Variants in DYNC2I2 observed in about 807,000 individuals in gnomAD.
The protein encoded by DYNC2I2 is dynein 2 intermediate chain 2.
A neutral mutation model predicts 52.0 loss-of-function variants in DYNC2I2; 39 were observed. That is an observed-to-expected ratio of 0.75 (90% CI 0.58 to 0.98). The LOEUF (loss-of-function observed/expected upper bound fraction) is 0.98, where lower values mean the gene tolerates loss of function less well. DYNC2I2 is among the 50% of genes least tolerant of loss of function. The pLI, the probability that DYNC2I2 is intolerant of heterozygous loss-of-function variation, is 0.00. For missense variants in DYNC2I2, 743 were observed against 728.4 expected, an observed-to-expected ratio of 1.02 and a Z score of -0.23; for synonymous variants, 359 against 321.1, an observed-to-expected ratio of 1.12 and a Z score of -1.26.
chr9:128,643,451 T>TG (rs888759870), intron 1 of DYNC2I2, among the ~76,000 whole-genome samples: 6 of 147,056 alleles, frequency 4.1e-5, no homozygotes, highest in South Asian at 2.2e-4. Context: ...CGCTTGAACT[T>TG]GGGGGGCGGA....
Position 128,633,890 on chromosome 9 carries a change from CCAGA to C in DYNC2I2, c.1461_1464del (p.Cys487TrpfsTer20). 2 of 1,613,430 alleles carry C rather than the reference CCAGA, an allele frequency of 1.2e-6. No individual in the cohort carries two copies. The highest frequency in any genetic ancestry group is 1.7e-6 in the Non-Finnish European group (2 of 1,180,050). On this transcript the variant is annotated frameshift_variant, in exon 9 of 9. Coordinates refer to ENST00000372715, the MANE Select transcript of DYNC2I2 (RefSeq NM_052844.4). LOFTEE classifies it high-confidence loss of function. ...AGCTGAGTCTGCTGGCTGTTGAACT[CCAGA>C]CAGTAGACAGGGCTTTCATCCTGGG...
At chr9:128,680,242 ATAGAGAC>A in the DYNC2I2 span, among the ~76,000 whole-genome samples, 1 of 151,570 alleles carries the variant, frequency 6.6e-6, no homozygotes, top group African/African-American at 2.4e-5. Context: ...TGTATTTTTA[ATAGAGAC>A]GGGGTTTTGC....
chr9:128,635,383 G>T, intron 5 of DYNC2I2, 124 bp from the exon 6 acceptor site: 2 of 1,266,210 alleles, frequency 1.6e-6, no homozygotes, highest in Non-Finnish European at 2.1e-6. Flanking sequence ...CCAGAACCAG[G>T]CTCACCCACC....
chr9:128,657,669 A>G (rs1860858675), upstream of DYNC2I2, among the ~76,000 whole-genome samples: 2 of 152,074 alleles, frequency 1.3e-5, no homozygotes, highest in South Asian at 4.1e-4. Context: ...TTAGCTGGGC[A>G]TGGTGGCACG....
upstream of DYNC2I2, among the ~76,000 whole-genome samples, chr9:128,661,117 G>A (rs145064337): frequency 0.044 from 6,631 of 151,292 alleles, 235 homozygotes; most frequent in East Asian, 0.13. Context: ...CAAGGCAGGT[G>A]GATCACCTGA....
rs550648321 is a variant in DYNC2I2 at position 128,635,636 on chromosome 9, G to T, written c.813+22C>A. The T allele has an allele frequency of 2.2e-5, 35 of 1,577,704 alleles. No individual in the cohort carries two copies. The East Asian group carries it at 7.7e-4, about 35-fold the overall frequency. On this transcript the variant is annotated intron_variant, in intron 5 of 8. Coordinates refer to ENST00000372715, the MANE Select transcript of DYNC2I2 (RefSeq NM_052844.4). ...CCAGCTCTGCCTCAGGGCCCACCCC[G>T]CCCGGCAGCCCCTGCCCTGACCTGG...
intron 8 of DYNC2I2, 64 bp from the exon 9 acceptor site, chr9:128,634,046 A>C (rs971342715): frequency 8.2e-6 from 13 of 1,584,108 alleles, no homozygotes; most frequent in African/African-American, 6.7e-5. Flanking sequence ...TGGCAGGAGG[A>C]GGCTAATGCC....
intron 1 of DYNC2I2, among the ~76,000 whole-genome samples, chr9:128,653,391 A>C (rs1316644761): frequency 1.3e-5 from 2 of 150,784 alleles, no homozygotes. Flanking sequence ...CAACCTGGCC[A>C]ATATGGCGAA....
the DYNC2I2 span, among the ~76,000 whole-genome samples, chr9:128,674,740 C>T: frequency 6.6e-6 from 1 of 152,020 alleles, no homozygotes; most frequent in African/African-American, 2.4e-5. Context: ...GAGACTCCGT[C>T]TCAAAAAAAA....
the DYNC2I2 span, among the ~76,000 whole-genome samples, chr9:128,669,395 T>TAA: frequency 6.6e-6 from 1 of 151,910 alleles, no homozygotes; most frequent in African/African-American, 2.4e-5. Flanking sequence ...AAAAAATTTT[T>TAA]AAAATTAAAA....
At chr9:128,643,476 G>A (rs998329773) in intron 1 of DYNC2I2, among the ~76,000 whole-genome samples, 3 of 150,900 alleles carry the variant, frequency 2.0e-5, no homozygotes, top group Middle Eastern at 3.2e-3. Flanking sequence ...GCAGTGAGCC[G>A]AGATCGTGCC....
intron 5 of DYNC2I2, 169 bp from the exon 6 acceptor site, chr9:128,635,428 C>A (rs1860379382): frequency 1.1e-6 from 1 of 888,136 alleles, no homozygotes; most frequent in Non-Finnish European, 1.7e-6. Flanking sequence ...AGGGCCCTCT[C>A]CAGTCCCAGA....
chr9:128,672,516 G>C, the DYNC2I2 span, among the ~76,000 whole-genome samples: 1 of 148,964 alleles, frequency 6.7e-6, no homozygotes, highest in Admixed American at 6.7e-5. Context: ...AAAAAAAAAA[G>C]TTTAATCTCA....
chr9:128,648,041 G>A (rs10988068), intron 1 of DYNC2I2, among the ~76,000 whole-genome samples: 1,720 of 152,148 alleles, frequency 0.011, 8 homozygotes, highest in Non-Finnish European at 0.015. Context: ...TGCCCCACAG[G>A]ACCCCTTTCT....
chr9:128,683,979 G>C, the DYNC2I2 span: 2 of 1,555,550 alleles, frequency 1.3e-6, no homozygotes, highest in South Asian at 2.4e-5. Context: ...AGGAGACATC[G>C]GCCTCTGCAG....
chr9:128,656,689 G>C lies in DYNC2I2; in HGVS notation c.38C>G (p.Ala13Gly), dbSNP rs747529704. 8.7e-6 allele frequency: 13 copies of C among 1,487,958 alleles called. No homozygotes were observed. In the African/African-American group the frequency reaches 1.8e-4, roughly 20 times the overall value. 92.2% of individuals were successfully genotyped at this position (1,487,958 alleles called of 1,614,324 possible). A position where few individuals can be genotyped will look rare whatever the true frequency, so the allele number is the denominator to read the frequency against. Residue 13 changes from alanine to glycine, a missense_variant, in exon 1 of 9, where the codon GCG becomes GGG. Physicochemically the swap from Ala to Gly is moderately conservative, Grantham distance 60 (BLOSUM62 0). Transcript: ENST00000372715. ...CAGCGCCGCAACACCAGCGCTTCCC[G>C]CCTGGCTGAGTGGCCCCGGCTGCGC... ...TRAQPGPLSQ[A>G]GSAGVAALAT...
At position 128,656,618 on chromosome 9, in the gene DYNC2I2, GCCCTGGCCGCC is replaced by G; in HGVS notation, c.98_108del (p.Gly33AlafsTer68). 1 of 1,496,704 alleles carries G rather than the reference GCCCTGGCCGCC, an allele frequency of 6.7e-7. No individual in the cohort carries two copies. Among genetic ancestry groups the G allele is most frequent in the Non-Finnish European group, 8.8e-7 (1 of 1,130,828 alleles). 92.7% of individuals were successfully genotyped at this position (1,496,704 alleles called of 1,614,324 possible). A position where few individuals can be genotyped will look rare whatever the true frequency, so the allele number is the denominator to read the frequency against. ...ACACCCAGGGTCTCGTCCTGCAGCGGCCCTGGCCGCCCCGGCCCCGGGCCGCTCGCAACCCC... is the reference window on the plus strand; with the variant it reads ...ACACCCAGGGTCTCGTCCTGCAGCGGCCGGCCCCGGGCCGCTCGCAACCCC... On this transcript the variant is annotated frameshift_variant, in exon 1 of 9. Coordinates refer to ENST00000372715, the MANE Select transcript of DYNC2I2 (RefSeq NM_052844.4). LOFTEE classifies it high-confidence loss of function.
chr9:128,647,436 C>A (rs1394876483), intron 1 of DYNC2I2, among the ~76,000 whole-genome samples: 1 of 152,098 alleles, frequency 6.6e-6, no homozygotes, highest in African/African-American at 2.4e-5. Context: ...CCTCCCACAC[C>A]TAGAAAGTGT....
the DYNC2I2 span, among the ~76,000 whole-genome samples, chr9:128,675,428 C>T: frequency 6.6e-6 from 1 of 152,152 alleles, no homozygotes; most frequent in South Asian, 2.1e-4. Flanking sequence ...GATCTGCCCA[C>T]CTCAGCTTCC....
Sources: gnomAD v4.1 joint callset for allele counts (sites outside exome capture counted in the v4.1 genomes callset) on GRCh38, gnomAD v4.1.1 for gene constraint, MANE v1.5 for transcripts, NCBI Gene and HGNC (gene_info 2026-07-23, HGNC 2026-07-21) for gene names.